Variants in ATP8A2 observed in about 807,000 individuals in gnomAD.
ATP8A2 encodes the protein ATPase phospholipid transporting 8A2, also known as phospholipid-transporting ATPase IB.
In ATP8A2, 100 loss-of-function variants were observed where a neutral mutation model predicts 165.6. The ratio of observed to expected loss-of-function variants is 0.60; its 90% CI spans 0.51 to 0.71. The LOEUF is 0.71. Among genes scored for constraint, ATP8A2 ranks in the 30% least tolerant of loss-of-function variants. The probability of loss-of-function intolerance (pLI) is 0.00; values close to 1 mark genes in which losing one functional copy is unlikely to be tolerated. For synonymous variants in ATP8A2, 543 were observed against 548.8 expected (o/e 0.99, Z 0.15); for missense variants, 1,227 against 1,479.5 (o/e 0.83, Z 2.80).
chr13:25,980,810 G>T (rs1423092120), intron 35 of ATP8A2, among the ~76,000 whole-genome samples: 1 of 152,168 alleles, frequency 6.6e-6, no homozygotes, highest in Non-Finnish European at 1.5e-5. Context: ...GTTTGAGGCT[G>T]CAGTGAGCCG....
chr13:26,002,848 CTGTGTGTGTG>C lies in ATP8A2; in HGVS notation c.3378-9645_3378-9636del, dbSNP rs199795279. Among the ~76,000 whole-genome samples, 705 of 134,796 alleles carry C rather than the reference CTGTGTGTGTG, an allele frequency of 5.2e-3. 5 individuals carry two copies. The highest frequency in any genetic ancestry group is 0.013 in the South Asian group (50 of 3,916). 88.4% of individuals were successfully genotyped at this position (134,796 alleles called of 152,430 possible). ...CTTTTTAAGGCTGAATAGTATTCCACTGTGTGTGTGTGTGTGTGTGTGTGTGTGTGTGTGT... is the reference window on the plus strand; with the variant it reads ...CTTTTTAAGGCTGAATAGTATTCCACTGTGTGTGTGTGTGTGTGTGTGTGT... On this transcript the variant is annotated intron_variant, in intron 35 of 36. Coordinates refer to ENST00000381655, the MANE Select transcript of ATP8A2 (RefSeq NM_016529.6).
chr13:25,704,804 A>G (rs2043022229), intron 25 of ATP8A2, among the ~76,000 whole-genome samples: 2 of 152,182 alleles, frequency 1.3e-5, no homozygotes, highest in Non-Finnish European at 2.9e-5. Flanking sequence ...GCCTCAGAAA[A>G]ATTATATCAT....
chr13:25,571,707 T>G lies in ATP8A2; in HGVS notation c.1662+15T>G. 1 of 1,606,456 alleles carries G rather than the reference T, an allele frequency of 6.2e-7. No individual in the cohort carries two copies. Among genetic ancestry groups the G allele is most frequent in the Non-Finnish European group, 8.5e-7 (1 of 1,173,008 alleles). The stretch of plus-strand genomic sequence containing the variant: ...TCATAGAAGCGGTGAGTAACATGCG[T>G]GTGCACATTTCAGATCACCTGCTTT... On this transcript the variant is annotated intron_variant, in intron 18 of 36. Transcript: ENST00000381655.
intron 1 of ATP8A2, among the ~76,000 whole-genome samples, chr13:25,462,868 A>T (rs2035540885): frequency 6.6e-6 from 1 of 152,208 alleles, no homozygotes; most frequent in Admixed American, 6.5e-5. Context: ...CCAGGGATTT[A>T]GAGGCTCCCT....
chr13:25,812,755 A>C (rs1204305402), intron 27 of ATP8A2, among the ~76,000 whole-genome samples: 1 of 152,136 alleles, frequency 6.6e-6, no homozygotes, highest in Non-Finnish European at 1.5e-5. Context: ...TCAAGGTAGA[A>C]GGAATGATAC....
intron 2 of ATP8A2, among the ~76,000 whole-genome samples, chr13:25,502,426 G>A (rs689480): frequency 0.023 from 3,514 of 152,350 alleles, 268 homozygotes; most frequent in East Asian, 0.2. Flanking sequence ...AATGCTGCCA[G>A]TGGGCGTGTG....
chr13:25,759,550 G>A (rs546311264), intron 25 of ATP8A2, among the ~76,000 whole-genome samples: 6 of 152,290 alleles, frequency 3.9e-5, no homozygotes, highest in African/African-American at 7.2e-5. Flanking sequence ...GAAGCCAGAC[G>A]CTCCTGAGAG....
chr13:25,409,245 C>T (rs775163595), intron 1 of ATP8A2, among the ~76,000 whole-genome samples: 11 of 151,990 alleles, frequency 7.2e-5, no homozygotes, highest in African/African-American at 1.7e-4. Context: ...TGTCTATTTA[C>T]GGAAAATGAA....
intron 2 of ATP8A2, among the ~76,000 whole-genome samples, chr13:25,505,636 G>C (rs563558394): frequency 6.6e-6 from 1 of 152,072 alleles, no homozygotes; most frequent in Non-Finnish European, 1.5e-5. Context: ...CCAGAAAGAC[G>C]TACACATCCC....
At chr13:26,012,686 G>A (rs879506647) in intron 36 of ATP8A2, 64 bp downstream of exon 36, 2 of 969,612 alleles carry the variant, frequency 2.1e-6, no homozygotes, top group Non-Finnish European at 2.7e-6. Flanking sequence ...GGTTGATGAG[G>A]AGTTGGGGGA....
intron 17 of ATP8A2, among the ~76,000 whole-genome samples, chr13:25,571,205 T>G (rs1182913771): frequency 6.6e-6 from 1 of 152,184 alleles, no homozygotes; most frequent in Admixed American, 6.5e-5. Flanking sequence ...TTCCGCCTGC[T>G]GGGGAAGCTG....
intron 1 of ATP8A2, among the ~76,000 whole-genome samples, chr13:25,388,502 T>C (rs2033135656): frequency 6.6e-6 from 1 of 152,124 alleles, no homozygotes; most frequent in Non-Finnish European, 1.5e-5. Context: ...CCGTGATCGA[T>C]TGAGCAAGCA....
chr13:25,832,296 G>A (rs1951499098), intron 28 of ATP8A2, among the ~76,000 whole-genome samples: 1 of 152,134 alleles, frequency 6.6e-6, no homozygotes, highest in Non-Finnish European at 1.5e-5. Context: ...ATGCTGCTAG[G>A]ATCAAATGGA....
At chr13:25,985,553 T>C (rs1956265355) in intron 35 of ATP8A2, among the ~76,000 whole-genome samples, 1 of 152,240 alleles carries the variant, frequency 6.6e-6, no homozygotes, top group African/African-American at 2.4e-5. Flanking sequence ...GGGGCAGTCA[T>C]GGTCGATCAA....
At chr13:25,441,856 A>G (rs965140547) in intron 1 of ATP8A2, among the ~76,000 whole-genome samples, 6 of 152,154 alleles carry the variant, frequency 3.9e-5, no homozygotes, top group African/African-American at 7.2e-5. Context: ...CACCTCCAGG[A>G]CTTTTTTCAT....
intron 10 of ATP8A2, 127 bp from the exon 11 acceptor site, chr13:25,551,210 GA>G (rs2038810854): frequency 1.2e-6 from 1 of 858,384 alleles, no homozygotes; most frequent in African/African-American, 1.7e-5. Context: ...GAATTGCATT[GA>G]TTATTTGGCA....
chr13:25,933,302 G>C (rs1039702484), intron 33 of ATP8A2, among the ~76,000 whole-genome samples: 3 of 152,128 alleles, frequency 2.0e-5, no homozygotes, highest in African/African-American at 7.2e-5. Context: ...TATTTTCCCT[G>C]ATGGTTTTGG....
intron 19 of ATP8A2, among the ~76,000 whole-genome samples, chr13:25,575,273 G>A (rs2039584677): frequency 6.6e-6 from 1 of 152,200 alleles, no homozygotes; most frequent in South Asian, 2.1e-4. Flanking sequence ...AATGATGACA[G>A]ATGAGATCAG....
intron 27 of ATP8A2, among the ~76,000 whole-genome samples, chr13:25,792,626 T>G (rs1337293822): frequency 6.6e-6 from 1 of 152,156 alleles, no homozygotes; most frequent in Non-Finnish European, 1.5e-5. Flanking sequence ...GGAAATACTT[T>G]GGGCCCAGAC....
Sources: allele counts gnomAD v4.1 joint callset (sites outside exome capture counted in the v4.1 genomes callset), GRCh38; gene constraint gnomAD v4.1.1; transcripts MANE v1.5; gene names NCBI Gene and HGNC (gene_info 2026-07-23, HGNC 2026-07-21).